MAP3K10: variants seen among roughly 807,000 people sequenced by gnomAD.
MAP3K10 encodes mitogen-activated protein kinase kinase kinase 10.
In MAP3K10, 22 loss-of-function variants were observed where a neutral mutation model predicts 75.0. The observed-to-expected ratio is 0.29, with a 90% CI of 0.21 to 0.42. The LOEUF is 0.42. Ranked by LOEUF, MAP3K10 falls within the 10% of genes least tolerant of loss-of-function variation. MAP3K10 has a pLI of 1.00. For synonymous variants in MAP3K10, 599 were observed against 612.9 expected (o/e 0.98, Z 0.34); for missense variants, 1,165 against 1,379.8 (o/e 0.84, Z 2.47).
chr19:40,194,145 G>A (rs1024443096), intron 1 of MAP3K10, among the ~76,000 whole-genome samples: 1 of 152,226 alleles, frequency 6.6e-6, no homozygotes, highest in South Asian at 2.1e-4. Flanking sequence ...TGCATCACCC[G>A]AGGTCAGGAG....
In MAP3K10 at chr19:40,198,526, C is replaced by T. The variant is rs761898370; in HGVS notation, c.834C>T (p.Ser278=). 1 of 1,613,354 alleles carries T rather than the reference C, an allele frequency of 6.2e-7. No homozygotes were observed. The highest frequency in any genetic ancestry group is 2.2e-5 in the East Asian group (1 of 44,834). Residue 278 remains serine (S), a synonymous_variant, in exon 2 of 10, where the codon TCC becomes TCT. Coordinates refer to ENST00000253055, the MANE Select transcript of MAP3K10 (RefSeq NM_002446.4). The surrounding 1 kb of genome is among the most constrained non-coding windows in gnomAD (Gnocchi z 4.3). ...TGGCGCCGGAGGTTATCCGTCTCTC[C>T]CTCTTCTCCAAAAGCAGTGATGTCT... is the stretch of plus-strand genomic sequence containing the variant. The part of the protein sequence containing the change: ...AWMAPEVIRL[S]LFSKSSDVWS...
intron 1 of MAP3K10, among the ~76,000 whole-genome samples, chr19:40,197,839 TTC>T (rs140544924): frequency 0.39 from 58,738 of 150,894 alleles, 13,721 homozygotes; most frequent in South Asian, 0.61. Flanking sequence ...TGGCTGTTGT[TTC>T]TTTTTTTTGA....
At position 40,212,758 on chromosome 19, in the gene MAP3K10, G is replaced by A. The variant is rs926817755; in HGVS notation, c.1553-47G>A. 2 of 1,559,438 alleles carry A rather than the reference G, an allele frequency of 1.3e-6. No individual in the cohort carries two copies. The highest frequency in any genetic ancestry group is 1.7e-6 in the Non-Finnish European group (2 of 1,152,876). Reference sequence around the variant, plus strand: ...GGGCACTGGAGGCTGGGAGCCCAGTGGGGACAGATCCTCCACCCAGTAACC... The same window carrying A: ...GGGCACTGGAGGCTGGGAGCCCAGTAGGGACAGATCCTCCACCCAGTAACC... On this transcript the variant is annotated intron_variant, in intron 6 of 9. Transcript: ENST00000253055. This position sits in a 1 kb window ranked among gnomAD's most constrained non-coding sequence, Gnocchi z 4.2.
chr19:40,208,790 A>G (rs1599912266), intron 5 of MAP3K10, among the ~76,000 whole-genome samples: 2 of 152,110 alleles, frequency 1.3e-5, no homozygotes, highest in South Asian at 4.2e-4. Flanking sequence ...ACTGGCGGCC[A>G]TATTGGACAC....
chr19:40,214,412 G>A (rs1214986233), intron 9 of MAP3K10, among the ~76,000 whole-genome samples, 191 bp downstream of exon 9: 4 of 152,146 alleles, frequency 2.6e-5, no homozygotes, highest in Non-Finnish European at 5.9e-5. Flanking sequence ...AGACACAGGC[G>A]GCAAACTGAT....
Position 40,213,258 on chromosome 19 carries a change from C to T in MAP3K10, c.1837+70C>T, listed in dbSNP as rs1599917598. 1.8e-5 allele frequency: 26 copies of T among 1,472,202 alleles called. No individual in the cohort carries two copies. The highest frequency in any genetic ancestry group is 8.2e-5 in the South Asian group (6 of 73,064). 91.2% of individuals were successfully genotyped at this position (1,472,202 alleles called of 1,614,324 possible). ...AAGGGGTGAGCCTCCTGGGGCTGAG[C>T]GAAGAGACCAGGTTTCACTGGGCCA... On this transcript the variant is annotated intron_variant, in intron 8 of 9. Coordinates refer to ENST00000253055, the MANE Select transcript of MAP3K10 (RefSeq NM_002446.4). The surrounding 1 kb of genome is among the most constrained non-coding windows in gnomAD (Gnocchi z 5.7).
In MAP3K10 at chr19:40,198,245, C is replaced by A; in HGVS notation, c.683-130C>A. ...ATGGATGTTCCAGGCCAGGAAAGGA[C>A]CTGCCACAGAGCGGGGCAGCCTGAG... is the stretch of plus-strand genomic sequence containing the variant. On this transcript the variant is annotated intron_variant, in intron 1 of 9. Coordinates refer to ENST00000253055, the MANE Select transcript of MAP3K10 (RefSeq NM_002446.4). This position sits in a 1 kb window ranked among gnomAD's most constrained non-coding sequence, Gnocchi z 4.3. 1 of 812,750 alleles carries A rather than the reference C, an allele frequency of 1.2e-6. No individual in the cohort carries two copies. The highest frequency in any genetic ancestry group is 1.9e-6 in the Non-Finnish European group (1 of 524,322). 50.3% of individuals were successfully genotyped at this position (812,750 alleles called of 1,614,324 possible).
At chr19:40,210,063 C>G (rs548468532) in intron 6 of MAP3K10, among the ~76,000 whole-genome samples, 2 of 151,410 alleles carry the variant, frequency 1.3e-5, no homozygotes, top group East Asian at 4.0e-4. Flanking sequence ...GTCAGGAGAT[C>G]GAGACCATCC....
In MAP3K10 at chr19:40,198,428, A is replaced by G. The variant is rs913992056; in HGVS notation, c.736A>G (p.Ile246Val). 1.9e-6 allele frequency: 3 copies of G among 1,614,008 alleles called. No individual in the cohort carries two copies. In the Admixed American group the frequency reaches 5.0e-5, roughly 27 times the overall value. The change falls in exon 2 of 10, where the codon ATC becomes GTC. Residue 246 changes from isoleucine to valine, a missense_variant. Ile to Val is a conservative substitution (Grantham distance 29). Transcript: ENST00000253055. The surrounding 1 kb of genome is among the most constrained non-coding windows in gnomAD (Gnocchi z 4.3). The stretch of plus-strand genomic sequence containing the variant: ...CAACCTCGCAGACACGGTGCTCAAG[A>G]TCACGGACTTCGGCCTCGCCCGCGA... ...NHNLADTVLK[I>V]TDFGLAREWH...
At chr19:40,203,876 G>C (rs978290181) in intron 2 of MAP3K10, among the ~76,000 whole-genome samples, 1 of 152,240 alleles carries the variant, frequency 6.6e-6, no homozygotes, top group Admixed American at 6.5e-5. Flanking sequence ...GTTGAGACTT[G>C]AGGGACAAAT....
chr19:40,199,093 A>G (rs2145074975), intron 2 of MAP3K10, among the ~76,000 whole-genome samples: 1 of 152,230 alleles, frequency 6.6e-6, no homozygotes, highest in East Asian at 1.9e-4. Context: ...TTAAAAAAGC[A>G]TAGAGACAGC....
chr19:40,212,697 C>A lies in MAP3K10; in HGVS notation c.1553-108C>A. On this transcript the variant is annotated intron_variant, in intron 6 of 9. Transcript: ENST00000253055. The surrounding 1 kb of genome is among the most constrained non-coding windows in gnomAD (Gnocchi z 4.2). Reference sequence around the variant, plus strand: ...GGTCATGACTGGAGTTCAAAAGAGCCCTTGGACTCCCAGGCGGAGGGTGGG... The same window carrying A: ...GGTCATGACTGGAGTTCAAAAGAGCACTTGGACTCCCAGGCGGAGGGTGGG... The A allele has an allele frequency of 7.1e-7, 1 of 1,398,670 alleles. No homozygotes were observed. Among genetic ancestry groups the A allele is most frequent in the Non-Finnish European group, 9.7e-7 (1 of 1,030,940 alleles). 86.6% of individuals were successfully genotyped at this position (1,398,670 alleles called of 1,614,324 possible).
rs376077544 is a variant in MAP3K10 at position 40,204,563 on chromosome 19, C to T, written c.942C>T (p.Gly314=). ...TCGACGCCTTGGCCGTGGCGTATGG[C>T]GTGGCTATGAATAAGCTGACGCTGC... The part of the protein sequence containing the change: ...REIDALAVAY[G]VAMNKLTLPI... The change falls in exon 3 of 10, where the codon GGC becomes GGT. Residue 314 remains glycine, a synonymous_variant. Coordinates refer to ENST00000253055, the MANE Select transcript of MAP3K10 (RefSeq NM_002446.4). The surrounding 1 kb of genome is among the most constrained non-coding windows in gnomAD (Gnocchi z 4.3). The T allele has an allele frequency of 1.6e-5, 26 of 1,613,906 alleles. No individual in the cohort carries two copies. In the Admixed American group the frequency reaches 2.0e-4, roughly 12 times the overall value.
intron 1 of MAP3K10, among the ~76,000 whole-genome samples, chr19:40,193,458 A>T (rs1329663716): frequency 6.6e-6 from 1 of 152,244 alleles, no homozygotes; most frequent in Non-Finnish European, 1.5e-5. Context: ...GGAGCCAGGT[A>T]GAAGGGAACA....
chr19:40,208,363 T>TTTTTTTTTTTTTTTTTTTTTA (rs1555756664), intron 5 of MAP3K10, among the ~76,000 whole-genome samples: 51 of 111,886 alleles, frequency 4.6e-4, no homozygotes, highest in South Asian at 6.1e-4. Flanking sequence ...TTTTTTTTTT[T>TTTTTTTTTTTTTTTTTTTTTA]TTTTTTGTAT....
Position 40,214,007 on chromosome 19 carries a change from A to ACCCCCCCCCCCCCCC in MAP3K10, c.2330_2331insCCCCCCCCCCCCCCC (p.Pro778_Ser779insProProProProPro). On this transcript the variant is annotated inframe_insertion, in exon 9 of 10. Coordinates refer to ENST00000253055, the MANE Select transcript of MAP3K10 (RefSeq NM_002446.4). ...AGGCCGCACCGGCCGCGCCCTCCCC[A>ACCCCCCCCCCCCCCC]CCACCCTCCCCGCCCGCGCCCACAC... The ACCCCCCCCCCCCCCC allele has an allele frequency of 7.8e-6, 4 of 512,952 alleles. No homozygotes were observed. The highest frequency in any genetic ancestry group is 1.1e-5 in the Non-Finnish European group (4 of 369,904). The allele number at this position is 512,952 out of a possible 1,614,324, so 31.8% of individuals were successfully genotyped here. A position where few individuals can be genotyped will look rare whatever the true frequency, so the allele number is the denominator to read the frequency against.
At position 40,214,002 on chromosome 19, in the gene MAP3K10, T is replaced by TACCCC; in HGVS notation, c.2323_2324insACCCC (p.Ser775TyrfsTer49). 22 of 1,493,616 alleles carry TACCCC rather than the reference T, an allele frequency of 1.5e-5. No individual in the cohort carries two copies. Among genetic ancestry groups the TACCCC allele is most frequent in the Middle Eastern group, 1.8e-4 (1 of 5,598 alleles). 92.5% of individuals were successfully genotyped at this position (1,493,616 alleles called of 1,614,324 possible). ...TGACGAGGCCGCACCGGCCGCGCCC[T>TACCCC]CCCCACCACCCTCCCCGCCCGCGCC... On this transcript the variant is annotated frameshift_variant, in exon 9 of 10. Coordinates refer to ENST00000253055, the MANE Select transcript of MAP3K10 (RefSeq NM_002446.4). LOFTEE classifies it high-confidence loss of function.
chr19:40,199,294 G>A (rs1252728400), intron 2 of MAP3K10, among the ~76,000 whole-genome samples: 1 of 152,066 alleles, frequency 6.6e-6, no homozygotes, highest in East Asian at 1.9e-4. Flanking sequence ...CATACAAGAA[G>A]CTCTTTTTTA....
At position 40,198,285 on chromosome 19, in the gene MAP3K10, G is replaced by C. The variant is rs1220443471; in HGVS notation, c.683-90G>C. On this transcript the variant is annotated intron_variant, in intron 1 of 9. Transcript: ENST00000253055. The surrounding 1 kb of genome is among the most constrained non-coding windows in gnomAD (Gnocchi z 4.3). ...GGCAGCCTGAGGCAGTGAGAGGAAA[G>C]ACGTGTTTCTAGCTGAGGCAGCGGG... 7.8e-7 allele frequency: 1 copy of C among 1,274,392 alleles called. No individual in the cohort carries two copies. Among genetic ancestry groups the C allele is most frequent in the African/African-American group, 1.5e-5 (1 of 67,592 alleles). 78.9% of individuals were successfully genotyped at this position (1,274,392 alleles called of 1,614,324 possible). A position where few individuals can be genotyped will look rare whatever the true frequency, so the allele number is the denominator to read the frequency against.
Sources: allele counts gnomAD v4.1 joint callset (sites outside exome capture counted in the v4.1 genomes callset), GRCh38; gene constraint gnomAD v4.1.1; non-coding constraint Gnocchi (gnomAD v3.1); transcripts MANE v1.5; gene names NCBI Gene and HGNC (gene_info 2026-07-23, HGNC 2026-07-21).